PPARA: variants seen among roughly 807,000 people sequenced by gnomAD.
The protein encoded by PPARA is peroxisome proliferator activated receptor alpha, also known as peroxisome proliferator-activated receptor alpha.
PPARA carries 22 observed loss-of-function variants against 42.2 expected under a neutral mutation model. The ratio of observed to expected loss-of-function variants is 0.52; its 90% CI spans 0.37 to 0.74. PPARA has a LOEUF of 0.74. PPARA is among the 30% of genes least tolerant of loss of function. PPARA has a pLI of 0.00. For synonymous variants in PPARA, 242 were observed against 239.3 expected (o/e 1.01, Z -0.10); for missense variants, 465 against 608.2 (o/e 0.76, Z 2.48).
At position 46,190,157 on chromosome 22, in the gene PPARA, T is replaced by C. The variant is rs4253792; in HGVS notation, c.-42-8185T>C. 6.6e-5 allele frequency among the ~76,000 whole-genome samples: 10 copies of C among 152,254 alleles called. No homozygotes were observed. Among genetic ancestry groups the C allele is most frequent in the Non-Finnish European group, 1.5e-4 (10 of 68,020 alleles). On this transcript the variant is annotated intron_variant, in intron 3 of 8. Coordinates refer to ENST00000407236, the MANE Select transcript of PPARA (RefSeq NM_005036.6). This position sits in a 1 kb window ranked among gnomAD's most constrained non-coding sequence, Gnocchi z 5.6. The stretch of plus-strand genomic sequence containing the variant: ...TGTTAAATATGATATTCAAAAAATA[T>C]AAAGACAAGGTGATAAATTAGAATT...
intron 4 of PPARA, among the ~76,000 whole-genome samples, chr22:46,202,928 G>A (rs1932916788): frequency 6.6e-6 from 1 of 151,888 alleles, no homozygotes; most frequent in African/African-American, 2.4e-5. Flanking sequence ...AATTTGTTCT[G>A]AACCAATTCC....
In PPARA at chr22:46,236,520, C is replaced by T. The variant is rs556862791; in HGVS notation, c.*1140C>T. The T allele has an allele frequency of 5.2e-5, 8 of 152,772 alleles. No homozygotes were observed. In the East Asian group the frequency reaches 1.5e-3, roughly 30 times the overall value. The allele number at this position is 152,772 out of a possible 1,614,324, so 9.5% of individuals were successfully genotyped here. ...CCAGTCAACCTGAACCCACCCAGTC[C>T]AGCTGTCTGTGGGAATGGTGGTGTT... On this transcript the variant is annotated 3_prime_UTR_variant, in exon 9 of 9. Coordinates refer to ENST00000407236, the MANE Select transcript of PPARA (RefSeq NM_005036.6). This position sits in a 1 kb window ranked among gnomAD's most constrained non-coding sequence, Gnocchi z 5.2.
At position 46,237,136 on chromosome 22, in the gene PPARA, C is replaced by G. The variant is rs995310954; in HGVS notation, c.*1756C>G. Reference sequence around the variant, plus strand: ...CCCATCTTTAGAAAATTTGGCTCTTCTGAGGTCATTATTATTTTAAGAATG... The same window carrying G: ...CCCATCTTTAGAAAATTTGGCTCTTGTGAGGTCATTATTATTTTAAGAATG... On this transcript the variant is annotated 3_prime_UTR_variant, in exon 9 of 9. Transcript: ENST00000407236. The surrounding 1 kb of genome is among the most constrained non-coding windows in gnomAD (Gnocchi z 6.7). The G allele has an allele frequency of 6.6e-6, 1 of 152,084 alleles. No homozygotes were observed. Among genetic ancestry groups the G allele is most frequent in the Non-Finnish European group, 1.5e-5 (1 of 68,018 alleles). 9.4% of individuals were successfully genotyped at this position (152,084 alleles called of 1,614,324 possible).
rs547354766 is a variant in PPARA, at chr22:46,181,514, C to T, written c.-43+4678C>T. 5.5e-4 allele frequency among the ~76,000 whole-genome samples: 83 copies of T among 152,186 alleles called. 1 individual carries two copies. The South Asian group carries it at 0.015, about 28-fold the overall frequency. On this transcript the variant is annotated intron_variant, in intron 3 of 8. Transcript: ENST00000407236. ...AAGGGCGGGATGGGAGGAAAAGCAT[C>T]GAAACCCACTCCTCTGGGGTGCATG...
rs756907455 is a variant in PPARA at position 46,192,402 on chromosome 22, C to T, written c.-42-5940C>T. ...TACCCTCGTGTTAGTTATGAATTAC[C>T]GTTGGAATCCTTCCAGTGTTTGCAC... On this transcript the variant is annotated intron_variant, in intron 3 of 8. Transcript: ENST00000407236. This position sits in a 1 kb window ranked among gnomAD's most constrained non-coding sequence, Gnocchi z 4.3. 1.8e-4 allele frequency among the ~76,000 whole-genome samples: 27 copies of T among 152,316 alleles called. No individual in the cohort carries two copies. The highest frequency in any genetic ancestry group is 9.6e-4 in the East Asian group (5 of 5,188).
chr22:46,190,107 C>T lies in PPARA; in HGVS notation c.-42-8235C>T, dbSNP rs919770283. 5.3e-5 allele frequency among the ~76,000 whole-genome samples: 8 copies of T among 152,098 alleles called. No individual in the cohort carries two copies. Among genetic ancestry groups the T allele is most frequent in the African/African-American group, 1.4e-4 (6 of 41,410 alleles). On this transcript the variant is annotated intron_variant, in intron 3 of 8. Coordinates refer to ENST00000407236, the MANE Select transcript of PPARA (RefSeq NM_005036.6). This position sits in a 1 kb window ranked among gnomAD's most constrained non-coding sequence, Gnocchi z 5.6. Reference sequence around the variant, plus strand: ...AATGTTATTTTAAATCTTAGCCCAACAAATTGAGCGAAAAGACTTCTAGAT... The same window carrying T: ...AATGTTATTTTAAATCTTAGCCCAATAAATTGAGCGAAAAGACTTCTAGAT...
chr22:46,243,629 T>C lies in PPARA; in HGVS notation c.*8249T>C, dbSNP rs570318961. 1.3e-5 allele frequency: 2 copies of C among 152,714 alleles called. No individual in the cohort carries two copies. Among genetic ancestry groups the C allele is most frequent in the African/African-American group, 4.8e-5 (2 of 41,590 alleles). 9.5% of individuals were successfully genotyped at this position (152,714 alleles called of 1,614,324 possible). ...TGAACTGACCACATGTATTGATTTA[T>C]ATCCTGAATATATGGGAACTTCTGT... On this transcript the variant is annotated 3_prime_UTR_variant, in exon 9 of 9. Transcript: ENST00000407236. The surrounding 1 kb of genome is among the most constrained non-coding windows in gnomAD (Gnocchi z 5.0).
intron 3 of PPARA, among the ~76,000 whole-genome samples, chr22:46,198,138 T>C (rs149711321): frequency 0.056 from 8,086 of 145,104 alleles, 693 homozygotes; most frequent in African/African-American, 0.19. Context: ...CTCAGGAGAC[T>C]GAGGCAGGAG....
In PPARA at chr22:46,204,455, A is replaced by C. The variant is rs1933034065; in HGVS notation, c.208+5864A>C. ...CCAGCATTTCAGAAAAATCTTAGAA[A>C]ATGCTATACTATGTTATATTCCCAC... On this transcript the variant is annotated intron_variant, in intron 4 of 8. Coordinates refer to ENST00000407236, the MANE Select transcript of PPARA (RefSeq NM_005036.6). This position sits in a 1 kb window ranked among gnomAD's most constrained non-coding sequence, Gnocchi z 5.2. Among the ~76,000 whole-genome samples the C allele has an allele frequency of 6.6e-6, 1 of 152,204 alleles. No homozygotes were observed. The highest frequency in any genetic ancestry group is 6.5e-5 in the Admixed American group (1 of 15,270).
rs1289076378 is a variant in PPARA at position 46,192,347 on chromosome 22, CA to C, written c.-42-5994del. The stretch of plus-strand genomic sequence containing the variant: ...ATTTTAGCCTAATCTTCCAAACAGT[CA>C]CGCATCTAAGAGCAGGTGATGCAGA... On this transcript the variant is annotated intron_variant, in intron 3 of 8. Transcript: ENST00000407236. The surrounding 1 kb of genome is among the most constrained non-coding windows in gnomAD (Gnocchi z 4.3). 2.0e-5 allele frequency among the ~76,000 whole-genome samples: 3 copies of C among 152,194 alleles called. No homozygotes were observed. Among genetic ancestry groups the C allele is most frequent in the Admixed American group, 2.0e-4 (3 of 15,278 alleles).
At chr22:46,179,415 T>TA (rs1250346635) in intron 3 of PPARA, among the ~76,000 whole-genome samples, 5 of 152,046 alleles carry the variant, frequency 3.3e-5, no homozygotes, top group Non-Finnish European at 7.4e-5. Flanking sequence ...ATTTCTAACT[T>TA]AAAAAAACAA....
At chr22:46,214,984 A>G (rs1312936060) in intron 4 of PPARA, among the ~76,000 whole-genome samples, 189 bp from the exon 5 acceptor site, 1 of 152,146 alleles carries the variant, frequency 6.6e-6, no homozygotes, top group African/African-American at 2.4e-5. Flanking sequence ...TTGGGAGCAC[A>G]GCACAATGGC....
intron 3 of PPARA, among the ~76,000 whole-genome samples, chr22:46,194,082 C>T (rs1435886125): frequency 1.3e-5 from 2 of 152,166 alleles, no homozygotes; most frequent in East Asian, 1.9e-4. Context: ...GCTGGGAGGG[C>T]GTGCAGGGTG....
At chr22:46,172,548 G>A (rs1481854119) in intron 2 of PPARA, among the ~76,000 whole-genome samples, 2 of 152,144 alleles carry the variant, frequency 1.3e-5, no homozygotes, top group African/African-American at 4.8e-5. Context: ...AACCTGGGAG[G>A]TGGATGTTGC....
chr22:46,226,814 T>C, intron 7 of PPARA, among the ~76,000 whole-genome samples: 1 of 152,034 alleles, frequency 6.6e-6, no homozygotes. Flanking sequence ...TGGACTGTGG[T>C]TGCGCCACTG....
rs1367024881 is a variant in PPARA, at chr22:46,235,322, C to T, written c.1349C>T (p.Thr450Met). The T allele has an allele frequency of 1.9e-6, 3 of 1,613,986 alleles. No individual in the cohort carries two copies. The highest frequency in any genetic ancestry group is 2.5e-6 in the Non-Finnish European group (3 of 1,180,030). ...CAGCTGGTGCAGATCATCAAGAAGACGGAGTCGGATGCTGCGCTGCACCCG... is the reference window on the plus strand; with the variant it reads ...CAGCTGGTGCAGATCATCAAGAAGATGGAGTCGGATGCTGCGCTGCACCCG... Reference protein sequence around the residue: ...HAQLVQIIKKTESDAALHPLL... With the variant: ...HAQLVQIIKKMESDAALHPLL... The change falls in exon 9 of 9, where the codon ACG becomes ATG. Residue 450 changes from threonine to methionine, a missense_variant. This residue lies in a region of PPARA where 313 missense variants were observed against 469.1 expected (regional missense o/e 0.67). Coordinates refer to ENST00000407236, the MANE Select transcript of PPARA (RefSeq NM_005036.6). The surrounding 1 kb of genome is among the most constrained non-coding windows in gnomAD (Gnocchi z 7.0).
chr22:46,186,663 A>C (rs1368081734), intron 3 of PPARA, among the ~76,000 whole-genome samples: 1 of 152,168 alleles, frequency 6.6e-6, no homozygotes, highest in African/African-American at 2.4e-5. Flanking sequence ...CAGTGAGCCG[A>C]GATCACGCCA....
chr22:46,202,960 A>G (rs1329819156), intron 4 of PPARA, among the ~76,000 whole-genome samples: 1 of 151,856 alleles, frequency 6.6e-6, no homozygotes, highest in Non-Finnish European at 1.5e-5. Context: ...TGGCACAAAG[A>G]AAAAAAAGGG....
chr22:46,174,038 C>T (rs530516168), intron 2 of PPARA, among the ~76,000 whole-genome samples: 8 of 81,104 alleles, frequency 9.9e-5, no homozygotes, highest in African/African-American at 5.2e-4. Context: ...ATTAGCTGGG[C>T]GTGGTGGTGC....
Sources: gnomAD v4.1 joint callset for allele counts (sites outside exome capture counted in the v4.1 genomes callset) on GRCh38, gnomAD v4.1.1 for gene constraint, gnomAD v4.1.1 regional missense constraint, Gnocchi (gnomAD v3.1) non-coding constraint, MANE v1.5 for transcripts, NCBI Gene and HGNC (gene_info 2026-07-23, HGNC 2026-07-21) for gene names.